AFF1: variants seen among roughly 807,000 people sequenced by gnomAD.
The protein encoded by AFF1 is AF4/FMR2 family member 1.
AFF1 carries 48 observed loss-of-function variants against 121.7 expected under a neutral mutation model. The observed-to-expected ratio is 0.39, with a 90% CI of 0.31 to 0.50. The LOEUF (loss-of-function observed/expected upper bound fraction) is 0.50. Ranked by LOEUF, AFF1 falls within the 20% of genes least tolerant of loss-of-function variation. The pLI, the probability that AFF1 is intolerant of heterozygous loss-of-function variation, is 0.76. For missense variants in AFF1, 1,523 were observed against 1,511.7 expected, an observed-to-expected ratio of 1.01 and a Z score of -0.12; for synonymous variants, 613 against 563.0, an observed-to-expected ratio of 1.09 and a Z score of -1.26.
In AFF1 at chr4:87,135,967, A is replaced by G; in HGVS notation, c.*266A>G. 1 of 404,764 alleles carries G rather than the reference A, an allele frequency of 2.5e-6. No individual in the cohort carries two copies. The highest frequency in any genetic ancestry group is 4.3e-6 in the Non-Finnish European group (1 of 233,512). The allele number at this position is 404,764 out of a possible 1,614,324, so 25.1% of individuals were successfully genotyped here. On this transcript the variant is annotated 3_prime_UTR_variant, in exon 21 of 21. Coordinates refer to ENST00000395146, the MANE Select transcript of AFF1 (RefSeq NM_001166693.3). Reference sequence around the variant, plus strand: ...AAGGACAGAAGTGCAATTTAGCTTAAATGGGTGTATGAATGGTCTAGAAAC... The same window carrying G: ...AAGGACAGAAGTGCAATTTAGCTTAGATGGGTGTATGAATGGTCTAGAAAC...
At chr4:86,946,734 T>C (rs1720892457) in intron 1 of AFF1, among the ~76,000 whole-genome samples, 1 of 152,034 alleles carries the variant, frequency 6.6e-6, no homozygotes, top group Non-Finnish European at 1.5e-5. Context: ...CAGGATACAT[T>C]TGTTGGTTCT....
At position 87,084,148 on chromosome 4, in the gene AFF1, T is replaced by C; in HGVS notation, c.1088T>C (p.Val363Ala). ...EQTYSNEVHC[V>A]EEILKEMTHS... ...ACCTACTCCAATGAAGTCCATTGTGTTGAAGAGATTCTGAAGGTGAGTTCA... is the reference window on the plus strand; with the variant it reads ...ACCTACTCCAATGAAGTCCATTGTGCTGAAGAGATTCTGAAGGTGAGTTCA... Residue 363 changes from valine (V) to alanine (A), a missense_variant, in exon 5 of 21, where the codon GTT (valine) becomes GCT (alanine). Transcript: ENST00000395146. 1 of 1,613,934 alleles carries C rather than the reference T, an allele frequency of 6.2e-7. No homozygotes were observed. The highest frequency in any genetic ancestry group is 1.1e-5 in the South Asian group (1 of 91,082).
At chr4:86,998,117 A>AAAAAAC (rs1725375263) in intron 2 of AFF1, among the ~76,000 whole-genome samples, 1 of 126,066 alleles carries the variant, frequency 7.9e-6, no homozygotes, top group Non-Finnish European at 1.7e-5. Context: ...AAAAAAAAAA[A>AAAAAAC]AAAAAAAAAA....
chr4:87,108,014 C>G (rs1162549659), intron 10 of AFF1, 145 bp from the exon 11 acceptor site: 1 of 758,842 alleles, frequency 1.3e-6, no homozygotes, highest in Non-Finnish European at 1.9e-6. Flanking sequence ...TACTTTGGGC[C>G]TCTCTCAGTT....
chr4:87,110,438 G>T (rs1054319844), intron 11 of AFF1, among the ~76,000 whole-genome samples: 3 of 112,070 alleles, frequency 2.7e-5, no homozygotes, highest in African/African-American at 1.0e-4. Flanking sequence ...TCTTGTTCTG[G>T]TTTTTTTGTT....
chr4:87,023,823 G>T (rs546823535), intron 2 of AFF1, among the ~76,000 whole-genome samples: 1 of 152,342 alleles, frequency 6.6e-6, no homozygotes, highest in South Asian at 2.1e-4. Flanking sequence ...TTCTATACTT[G>T]TGTTAGCTTT....
Position 87,114,454 on chromosome 4 carries a change from A to G in AFF1, c.1621A>G (p.Ser541Gly). The stretch of plus-strand genomic sequence containing the variant: ...AGCTGCGCCACCAGAGGGCCCCAGG[A>G]GCACAGAGCCCCCACGGCGGCACCC... The part of the protein sequence containing the change: ...QPAAPPEGPR[S>G]TEPPRRHPES... Residue 541 changes from serine (S) to glycine (G), a missense_variant, in exon 12 of 21, where the codon AGC becomes GGC. By Grantham distance (56) the Ser-to-Gly change is moderately conservative. This residue lies in a region of AFF1 where 905 missense variants were observed against 842.5 expected (regional missense o/e 1.07). Transcript: ENST00000395146. 2 of 1,613,752 alleles carry G rather than the reference A, an allele frequency of 1.2e-6. No individual in the cohort carries two copies. The highest frequency in any genetic ancestry group is 2.2e-5 in the East Asian group (1 of 44,862).
chr4:87,108,907 C>T (rs1313544459), intron 11 of AFF1, among the ~76,000 whole-genome samples: 1 of 152,170 alleles, frequency 6.6e-6, no homozygotes, highest in Non-Finnish European at 1.5e-5. Flanking sequence ...GTCACCCACC[C>T]TCAGGAGAAT....
intron 2 of AFF1, among the ~76,000 whole-genome samples, chr4:87,043,679 T>G (rs530022213): frequency 7.2e-5 from 11 of 152,358 alleles, no homozygotes; most frequent in East Asian, 5.8e-4. Context: ...TTCAGCAGCT[T>G]CTTCTTTTCA....
chr4:86,961,661 C>A (rs1255690301), intron 2 of AFF1, among the ~76,000 whole-genome samples: 8 of 144,788 alleles, frequency 5.5e-5, no homozygotes, highest in Admixed American at 6.9e-5. Flanking sequence ...ATTAGTTACC[C>A]AAAAAAAAAA....
chr4:87,035,236 G>C (rs1729440546), intron 2 of AFF1, among the ~76,000 whole-genome samples: 2 of 152,090 alleles, frequency 1.3e-5, no homozygotes, highest in African/African-American at 4.8e-5. Context: ...TTACCTGGGA[G>C]GGCTGAGGCT....
At chr4:86,994,233 T>G (rs1724940495) in intron 2 of AFF1, among the ~76,000 whole-genome samples, 1 of 152,236 alleles carries the variant, frequency 6.6e-6, no homozygotes, top group South Asian at 2.1e-4. Flanking sequence ...ACACACGAAG[T>G]TGCTAATTCG....
At chr4:87,133,480 C>T (rs342465) in intron 19 of AFF1, among the ~76,000 whole-genome samples, 27,698 of 152,234 alleles carry the variant, frequency 0.18, 2,761 homozygotes, top group Middle Eastern at 0.3. Context: ...CTTCGTATTA[C>T]CTCTGAAGAT....
intron 12 of AFF1, among the ~76,000 whole-genome samples, chr4:87,115,522 GC>G (rs1278025342): frequency 6.7e-6 from 1 of 149,498 alleles, no homozygotes; most frequent in Non-Finnish European, 1.5e-5. Context: ...CATCGGTCTT[GC>G]TAGTTTGAAA....
chr4:86,974,502 G>A (rs1457332704), intron 2 of AFF1, among the ~76,000 whole-genome samples: 1 of 152,068 alleles, frequency 6.6e-6, no homozygotes, highest in Non-Finnish European at 1.5e-5. Context: ...TTGTTTAAAT[G>A]CAGGGATTTA....
chr4:87,004,865 C>T (rs186883994), intron 2 of AFF1, among the ~76,000 whole-genome samples: 2 of 152,148 alleles, frequency 1.3e-5, no homozygotes, highest in African/African-American at 2.4e-5. Flanking sequence ...GATATTATAC[C>T]AAAACTCTGT....
chr4:87,126,654 C>G (rs1439992339), intron 14 of AFF1, among the ~76,000 whole-genome samples: 1 of 152,148 alleles, frequency 6.6e-6, no homozygotes, highest in Admixed American at 6.5e-5. Flanking sequence ...AATGTTTGAT[C>G]TCAGATACTT....
rs1560657613 is a variant in AFF1 at position 87,127,174 on chromosome 4, C to CT, written c.2903+57_2903+58insT. On this transcript the variant is annotated intron_variant, in intron 15 of 20. Coordinates refer to ENST00000395146, the MANE Select transcript of AFF1 (RefSeq NM_001166693.3). ...TTTTGTTTTGTTTTGCTTCCCCCCCCCACCAAGATAGAGTCTCACTCTGTC... is the reference window on the plus strand; with the variant it reads ...TTTTGTTTTGTTTTGCTTCCCCCCCCTCACCAAGATAGAGTCTCACTCTGTC... 5.0e-5 allele frequency: 63 copies of CT among 1,251,436 alleles called. 5 individuals are homozygous for CT. The highest frequency in any genetic ancestry group is 4.2e-4 in the South Asian group (34 of 81,346). 77.5% of individuals were successfully genotyped at this position (1,251,436 alleles called of 1,614,324 possible).
chr4:87,078,568 T>C (rs1722890216), intron 4 of AFF1, among the ~76,000 whole-genome samples: 1 of 152,176 alleles, frequency 6.6e-6, no homozygotes. Flanking sequence ...GCATCAGGGA[T>C]GTTTTCCAAA....
Sources: gnomAD v4.1 joint callset for allele counts (sites outside exome capture counted in the v4.1 genomes callset) on GRCh38, gnomAD v4.1.1 for gene constraint, gnomAD v4.1.1 regional missense constraint, MANE v1.5 for transcripts, NCBI Gene and HGNC (gene_info 2026-07-23, HGNC 2026-07-21) for gene names.